Variants in AMBRA1 observed in about 807,000 individuals in gnomAD.
The protein encoded by AMBRA1 is activating molecule in BECN1-regulated autophagy protein 1.
AMBRA1 carries 47 observed loss-of-function variants against 125.4 expected under a neutral mutation model. The ratio of observed to expected loss-of-function variants is 0.37; its 90% CI spans 0.30 to 0.48. The LOEUF (loss-of-function observed/expected upper bound fraction) is 0.48, where lower values mean the gene tolerates loss of function less well. AMBRA1 is among the 20% of genes least tolerant of loss of function. The probability of loss-of-function intolerance (pLI) is 0.99; values close to 1 mark genes in which losing one functional copy is unlikely to be tolerated. For missense variants in AMBRA1, 1,331 were observed against 1,693.4 expected (o/e 0.79, Z 3.76); for synonymous variants, 626 against 655.5 (o/e 0.95, Z 0.69).
chr11:46,434,936 G>A lies in AMBRA1; in HGVS notation c.2734C>T (p.Gln912Ter). ...QLLAAFIPSS[Q>*]RGFPDEGILA... ...ATGCCTTCATCAGGAAAGCCCCTCTGGCTGCTGGGGATGAAAGCTGCCAGG... is the reference window on the plus strand; with the variant it reads ...ATGCCTTCATCAGGAAAGCCCCTCTAGCTGCTGGGGATGAAAGCTGCCAGG... The change falls in exon 13 of 18, where the codon CAG becomes TAG. Residue 912 changes from glutamine to a stop codon, truncating the protein, a stop_gained. Transcript: ENST00000683756. LOFTEE classifies it high-confidence loss of function. 1 of 1,614,078 alleles carries A rather than the reference G, an allele frequency of 6.2e-7. No homozygotes were observed. Among genetic ancestry groups the A allele is most frequent in the Non-Finnish European group, 8.5e-7 (1 of 1,179,984 alleles).
chr11:46,484,770 G>C (rs539277140), intron 11 of AMBRA1, among the ~76,000 whole-genome samples: 4 of 150,794 alleles, frequency 2.7e-5, no homozygotes, highest in African/African-American at 4.9e-5. Flanking sequence ...TCAGCCTCCC[G>C]AGTAGCTGGG....
intron 11 of AMBRA1, among the ~76,000 whole-genome samples, chr11:46,467,418 T>C (rs1318336362): frequency 6.6e-6 from 1 of 152,188 alleles, no homozygotes; most frequent in Non-Finnish European, 1.5e-5. Flanking sequence ...TCCTTTCACA[T>C]GCAATTTTGT....
chr11:46,580,012 C>A (rs898261674), intron 1 of AMBRA1, among the ~76,000 whole-genome samples: 3 of 152,238 alleles, frequency 2.0e-5, no homozygotes, highest in African/African-American at 7.2e-5. Context: ...CACGCCCAGC[C>A]TACACATGTC....
chr11:46,549,810 CT>C (rs976745470), intron 1 of AMBRA1, among the ~76,000 whole-genome samples: 278 of 151,300 alleles, frequency 1.8e-3, no homozygotes, highest in African/African-American at 6.5e-3. Flanking sequence ...GTGACACTAG[CT>C]TTTCTTTCTT....
At chr11:46,520,771 ATTT>A (rs35987296) in intron 7 of AMBRA1, among the ~76,000 whole-genome samples, 2 of 130,742 alleles carry the variant, frequency 1.5e-5, no homozygotes, top group African/African-American at 2.8e-5. Flanking sequence ...AATTTTTTGT[ATTT>A]TTTTTTTTTT....
intron 11 of AMBRA1, among the ~76,000 whole-genome samples, chr11:46,475,625 G>A (rs966009046): frequency 1.3e-5 from 2 of 152,178 alleles, no homozygotes; most frequent in Admixed American, 1.3e-4. Flanking sequence ...TTCAGAGACA[G>A]AGCCCCTGAG....
intron 9 of AMBRA1, among the ~76,000 whole-genome samples, chr11:46,507,369 C>T (rs1341007342): frequency 6.6e-6 from 1 of 151,292 alleles, no homozygotes; most frequent in Admixed American, 6.6e-5. Flanking sequence ...GTCCCAGCTA[C>T]TCAGGAGGCT....
intron 12 of AMBRA1, among the ~76,000 whole-genome samples, chr11:46,442,344 T>A (rs1213276434): frequency 6.6e-6 from 1 of 152,092 alleles, no homozygotes; most frequent in African/African-American, 2.4e-5. Flanking sequence ...GGTTTCATCA[T>A]GTTGGCCAGG....
At chr11:46,531,120 T>G (rs1038529911) in intron 7 of AMBRA1, among the ~76,000 whole-genome samples, 1 of 152,196 alleles carries the variant, frequency 6.6e-6, no homozygotes, top group African/African-American at 2.4e-5. Flanking sequence ...TGACCTCAAG[T>G]GATCCACCTG....
chr11:46,501,446 A>G (rs114499737), intron 9 of AMBRA1, among the ~76,000 whole-genome samples: 3,472 of 152,360 alleles, frequency 0.023, 131 homozygotes, highest in African/African-American at 0.079. Flanking sequence ...GGCTCCAGCC[A>G]CCTGTGAGCC....
At position 46,542,961 on chromosome 11, in the gene AMBRA1, C is replaced by T. The variant is rs756331086; in HGVS notation, c.1056G>A (p.Pro352=). The change falls in exon 7 of 18, where the codon CCG becomes CCA. Residue 352 remains proline (P), a synonymous_variant. Transcript: ENST00000683756. The surrounding 1 kb of genome is among the most constrained non-coding windows in gnomAD (Gnocchi z 5.9). ...SFVQTEPFHP[P]EQASSTQQDQ... is the part of the protein sequence containing the mutation. ...CCTGCTGCGTTGACGAGGCCTGCTCCGGGGGATGGAAGGGCTCGGTCTGTA... is the reference window on the plus strand; with the variant it reads ...CCTGCTGCGTTGACGAGGCCTGCTCTGGGGGATGGAAGGGCTCGGTCTGTA... 5 of 1,606,006 alleles carry T rather than the reference C, an allele frequency of 3.1e-6. No individual in the cohort carries two copies. The highest frequency in any genetic ancestry group is 4.2e-6 in the Non-Finnish European group (5 of 1,179,968).
At chr11:46,475,155 A>G (rs1590901459) in intron 11 of AMBRA1, among the ~76,000 whole-genome samples, 1 of 152,206 alleles carries the variant, frequency 6.6e-6, no homozygotes, top group African/African-American at 2.4e-5. Flanking sequence ...CTAACTTCAA[A>G]CCCTAGTCAG....
intron 11 of AMBRA1, among the ~76,000 whole-genome samples, chr11:46,453,497 G>C (rs549987227): frequency 6.6e-6 from 1 of 152,104 alleles, no homozygotes. Flanking sequence ...GTTCATATGA[G>C]AATTAAATAG....
At chr11:46,468,634 T>C (rs1271176018) in intron 11 of AMBRA1, among the ~76,000 whole-genome samples, 4 of 148,076 alleles carry the variant, frequency 2.7e-5, no homozygotes, top group Non-Finnish European at 4.5e-5. Context: ...CCGTCTCTAC[T>C]AAAAATACAA....
chr11:46,575,882 A>C (rs1205083241), intron 1 of AMBRA1, among the ~76,000 whole-genome samples: 1 of 152,206 alleles, frequency 6.6e-6, no homozygotes, highest in Admixed American at 6.5e-5. Context: ...TCACCTGAGC[A>C]ATTTTAAACT....
intron 14 of AMBRA1, among the ~76,000 whole-genome samples, chr11:46,433,133 C>A (rs567142060): frequency 1.1e-4 from 17 of 152,316 alleles, no homozygotes; most frequent in East Asian, 7.7e-4. Flanking sequence ...CACACACACA[C>A]AAAAAGCTTT....
intron 17 of AMBRA1, among the ~76,000 whole-genome samples, chr11:46,403,304 C>G (rs1299530170): frequency 6.6e-6 from 1 of 152,206 alleles, no homozygotes; most frequent in Non-Finnish European, 1.5e-5. Flanking sequence ...GGTCTTCCAG[C>G]CCCTCCCTCT....
rs534546599 is a variant in AMBRA1, at chr11:46,418,141, GA to G, written c.2977-90del. On this transcript the variant is annotated intron_variant, in intron 14 of 17. Coordinates refer to ENST00000683756, the MANE Select transcript of AMBRA1 (RefSeq NM_001387011.1). ...ACAAAATCCAGGGAGAAACAAATTA[GA>G]AGGAGGAAAGGAGGTGGTTAGGCTG... 1.3e-3 allele frequency: 1,767 copies of G among 1,329,022 alleles called. 4 individuals carry two copies. The highest frequency in any genetic ancestry group is 3.7e-3 in the Admixed American group (155 of 42,430). 82.3% of individuals were successfully genotyped at this position (1,329,022 alleles called of 1,614,324 possible).
chr11:46,516,278 G>A (rs1209927408), intron 7 of AMBRA1, among the ~76,000 whole-genome samples: 41 of 152,074 alleles, frequency 2.7e-4, no homozygotes, highest in Non-Finnish European at 1.5e-5. Flanking sequence ...TGAAACATCA[G>A]TTCTTCATAG....
Sources: allele counts gnomAD v4.1 joint callset (sites outside exome capture counted in the v4.1 genomes callset), GRCh38; gene constraint gnomAD v4.1.1; non-coding constraint Gnocchi (gnomAD v3.1); transcripts MANE v1.5; gene names NCBI Gene and HGNC (gene_info 2026-07-23, HGNC 2026-07-21).